Variants in UNC13A observed in about 807,000 individuals in gnomAD.
UNC13A encodes the protein protein unc-13 homolog A.
In UNC13A, 61 loss-of-function variants were observed where a neutral mutation model predicts 219.7. That is an observed-to-expected ratio of 0.28 (90% confidence interval 0.23 to 0.34). The LOEUF is 0.34. Among genes scored for constraint, UNC13A ranks in the 10% least tolerant of loss-of-function variants. UNC13A has a pLI of 1.00. For missense variants in UNC13A, 1,476 were observed against 2,270.3 expected (o/e 0.65, Z 7.11); for synonymous variants, 920 against 884.6 (o/e 1.04, Z -0.71).
In UNC13A at chr19:17,655,935, C is replaced by A; in HGVS notation, c.1231G>T (p.Val411Leu). ...VAPKPATPDK[V>L]PAAEQIPEAE... ...TCAGGGATCTGCTCAGCTGCAGGCA[C>A]CTTGTCGGGCGTGGCTGGCTTGGGG... Residue 411 changes from valine (V) to leucine (L), a missense_variant, in exon 10 of 44, where the codon GTG becomes TTG. By Grantham distance (32) the Val-to-Leu change is conservative (BLOSUM62 1). Coordinates refer to ENST00000519716, the MANE Select transcript of UNC13A (RefSeq NM_001080421.3). 1.3e-6 allele frequency: 2 copies of A among 1,540,698 alleles called. No individual in the cohort carries two copies. The highest frequency in any genetic ancestry group is 1.7e-6 in the Non-Finnish European group (2 of 1,146,248).
intron 25 of UNC13A, 93 bp from the exon 26 acceptor site, chr19:17,636,250 T>G: frequency 7.1e-7 from 1 of 1,403,104 alleles, no homozygotes; most frequent in Non-Finnish European, 9.6e-7. Flanking sequence ...TTTAGAGGAA[T>G]GCATCCCATC....
At chr19:17,643,292 G>A (rs146861957) in intron 19 of UNC13A, among the ~76,000 whole-genome samples, 315 of 151,108 alleles carry the variant, frequency 2.1e-3, no homozygotes, top group African/African-American at 7.3e-3. Flanking sequence ...AATTACAGGC[G>A]TGAGTCACCG....
chr19:17,633,035 A>C, intron 27 of UNC13A, 73 bp downstream of exon 27: 1 of 1,607,328 alleles, frequency 6.2e-7, no homozygotes, highest in Non-Finnish European at 8.5e-7. Context: ...GGGTGCTCAC[A>C]GCCTTGGAGG....
intron 7 of UNC13A, among the ~76,000 whole-genome samples, chr19:17,665,600 A>G (rs1381143741): frequency 1.3e-5 from 2 of 152,114 alleles, no homozygotes; most frequent in Non-Finnish European, 2.9e-5. Context: ...CCTTGGGTAA[A>G]TCACATCTCC....
rs770476076 is a variant in UNC13A at position 17,606,234 on chromosome 19, G to T, written c.4932C>A (p.Ala1644=). The part of the protein sequence containing the change: ...GLAVLQLREL[A]QRGSAACWLP... The stretch of plus-strand genomic sequence containing the variant: ...GCCAGCAGGCGGCGCTCCCGCGCTG[G>T]GCCAGCTCACGCAGCTGCAGCACGG... Residue 1644 remains alanine, a synonymous_variant, in exon 44 of 44, where the codon GCC becomes GCA. Transcript: ENST00000519716. 1.4e-5 allele frequency: 22 copies of T among 1,550,014 alleles called. No homozygotes were observed. The Admixed American group carries it at 3.7e-4, about 26-fold the overall frequency.
At chr19:17,656,782 G>A (rs111642203) in intron 9 of UNC13A, among the ~76,000 whole-genome samples, 3 of 151,760 alleles carry the variant, frequency 2.0e-5, no homozygotes, top group African/African-American at 7.2e-5. Context: ...AACCCGGGAG[G>A]TGGAGGTTGC....
At chr19:17,646,502 T>TGCCTCA (rs1302429657) in intron 17 of UNC13A, among the ~76,000 whole-genome samples, 1 of 152,090 alleles carries the variant, frequency 6.6e-6, no homozygotes, top group Non-Finnish European at 1.5e-5. Context: ...GTGATCCGCC[T>TGCCTCA]GCCTCAGCCT....
intron 6 of UNC13A, among the ~76,000 whole-genome samples, 177 bp from the exon 7 acceptor site, chr19:17,666,881 CGA>C (rs10535025): frequency 2.7e-4 from 31 of 115,086 alleles, no homozygotes; most frequent in Admixed American, 9.4e-4. Context: ...CACACACACA[CGA>C]GAGAGAGAGA....
intron 4 of UNC13A, among the ~76,000 whole-genome samples, chr19:17,671,424 G>A (rs2079785548): frequency 1.3e-5 from 2 of 152,206 alleles, no homozygotes; most frequent in East Asian, 1.9e-4. Flanking sequence ...AGCATGGAGA[G>A]GTTGAGACTT....
At position 17,627,797 on chromosome 19, in the gene UNC13A, G is replaced by T. The variant is rs1012415253; in HGVS notation, c.3831+66C>A. ...GGCCTGGTGGCATATGAGCTCAGGG[G>T]CCTGCAGGGACACAGTGGTGGGGGT... On this transcript the variant is annotated intron_variant, in intron 32 of 43. Transcript: ENST00000519716. This position sits in a 1 kb window ranked among gnomAD's most constrained non-coding sequence, Gnocchi z 4.7. 12 of 1,512,600 alleles carry T rather than the reference G, an allele frequency of 7.9e-6. No individual in the cohort carries two copies. The highest frequency in any genetic ancestry group is 1.9e-5 in the Admixed American group (1 of 51,422). The allele number at this position is 1,512,600 out of a possible 1,614,324, so 93.7% of individuals were successfully genotyped here. A position where few individuals can be genotyped will look rare whatever the true frequency, so the allele number is the denominator to read the frequency against.
Position 17,674,760 on chromosome 19 carries a change from T to C in UNC13A, c.53-4A>G. ...GTCACGTACGTGTTGAATTTCTCTG[T>C]GGCAGTGAGAGTAGGGGTCAGCGCT... is the stretch of plus-strand genomic sequence containing the variant. On this transcript the variant is annotated splice_polypyrimidine_tract_variant and splice_region_variant and intron_variant, in intron 2 of 43. Coordinates refer to ENST00000519716, the MANE Select transcript of UNC13A (RefSeq NM_001080421.3). The surrounding 1 kb of genome is among the most constrained non-coding windows in gnomAD (Gnocchi z 5.0). The C allele has an allele frequency of 1.9e-6, 3 of 1,613,544 alleles. No homozygotes were observed. The highest frequency in any genetic ancestry group is 2.5e-6 in the Non-Finnish European group (3 of 1,179,600).
rs1168119893 is a variant in UNC13A at position 17,656,088 on chromosome 19, G to T, written c.1078C>A (p.Gln360Lys). The T allele has an allele frequency of 6.4e-7, 1 of 1,553,222 alleles. No individual in the cohort carries two copies. Residue 360 changes from glutamine (Q) to lysine (K), a missense_variant, in exon 10 of 44, where the codon CAG (glutamine) becomes AAG (lysine). Coordinates refer to ENST00000519716, the MANE Select transcript of UNC13A (RefSeq NM_001080421.3). ...EVPDDLGSYA[Q>K]REDVAVAEPK... ...TCAGCCACAGCTACGTCTTCACGCT[G>T]GGCATAGCTGCCCAAATCGTCAGGC... is the stretch of plus-strand genomic sequence containing the variant.
At chr19:17,675,021 T>C (rs1201601160) in intron 2 of UNC13A, among the ~76,000 whole-genome samples, 1 of 152,100 alleles carries the variant, frequency 6.6e-6, no homozygotes, top group African/African-American at 2.4e-5. Context: ...GGGAACAAAA[T>C]TGACTGTAAG....
intron 11 of UNC13A, 93 bp from the exon 12 acceptor site, chr19:17,652,770 G>C: frequency 7.0e-7 from 1 of 1,423,290 alleles, no homozygotes. Context: ...CTCTGGGCTG[G>C]GAGTCAGATG....
intron 1 of UNC13A, among the ~76,000 whole-genome samples, chr19:17,677,683 C>A (rs1212283462): frequency 6.6e-6 from 1 of 152,034 alleles, no homozygotes; most frequent in African/African-American, 2.4e-5. Flanking sequence ...TTTCCTCCCT[C>A]TTTTCTTCTC....
In UNC13A at chr19:17,602,727, C is replaced by T. The variant is rs145283916; in HGVS notation, c.*3327G>A. On this transcript the variant is annotated 3_prime_UTR_variant, in exon 44 of 44. Coordinates refer to ENST00000519716, the MANE Select transcript of UNC13A (RefSeq NM_001080421.3). Reference sequence around the variant, plus strand: ...TCCACTCTCTGTCCCATGTGTCAGGCTCAGACACCTCCTATGTGCCCAGGT... The same window carrying T: ...TCCACTCTCTGTCCCATGTGTCAGGTTCAGACACCTCCTATGTGCCCAGGT... 1 of 152,478 alleles carries T rather than the reference C, an allele frequency of 6.6e-6. No individual in the cohort carries two copies. The highest frequency in any genetic ancestry group is 1.9e-4 in the East Asian group (1 of 5,188). The allele number at this position is 152,478 out of a possible 1,614,324, so 9.4% of individuals were successfully genotyped here. A position where few individuals can be genotyped will look rare whatever the true frequency, so the allele number is the denominator to read the frequency against.
chr19:17,687,975 C>T (rs1038092706), intron 1 of UNC13A, among the ~76,000 whole-genome samples: 5 of 151,296 alleles, frequency 3.3e-5, no homozygotes, highest in African/African-American at 1.2e-4. Flanking sequence ...GCAGCGGCCA[C>T]CAGGACCCCC....
At chr19:17,638,536 T>G (rs2076934433) in intron 25 of UNC13A, among the ~76,000 whole-genome samples, 1 of 151,708 alleles carries the variant, frequency 6.6e-6, no homozygotes, top group African/African-American at 2.4e-5. Context: ...GACATAAATT[T>G]TTATGCCAGG....
intron 7 of UNC13A, among the ~76,000 whole-genome samples, chr19:17,664,592 C>T (rs2145887598): frequency 6.6e-6 from 1 of 152,302 alleles, no homozygotes; most frequent in African/African-American, 2.4e-5. Flanking sequence ...AGTCCATCTG[C>T]CCAGGGGCTC....
Sources: allele counts gnomAD v4.1 joint callset (sites outside exome capture counted in the v4.1 genomes callset), GRCh38; gene constraint gnomAD v4.1.1; non-coding constraint Gnocchi (gnomAD v3.1); transcripts MANE v1.5; gene names NCBI Gene and HGNC (gene_info 2026-07-23, HGNC 2026-07-21).